The following RNF212B variants were observed in gnomAD, a reference collection of about 807,000 sequenced individuals.
RNF212B encodes the protein ring finger protein 212B.
RNF212B carries 52 observed loss-of-function variants against 55.5 expected under a neutral mutation model. The ratio of observed to expected loss-of-function variants is 0.94; its 90% CI spans 0.75 to 1.18. The LOEUF is 1.18. Ranked by LOEUF, RNF212B falls within the 50% of genes most tolerant of loss-of-function variation. RNF212B has a pLI of 0.00. For synonymous variants in RNF212B, 99 were observed against 121.4 expected, an observed-to-expected ratio of 0.82 and a Z score of 1.21; for missense variants, 289 against 350.4, an observed-to-expected ratio of 0.82 and a Z score of 1.40.
chr14:23,194,779 G>T (rs1878493656), intron 2 of RNF212B, among the ~76,000 whole-genome samples: 1 of 148,912 alleles, frequency 6.7e-6, no homozygotes, highest in Admixed American at 6.7e-5. Flanking sequence ...TATCAAACAG[G>T]CCAGAAAAAT....
chr14:23,213,196 C>T (rs1282928252), intron 2 of RNF212B, among the ~76,000 whole-genome samples: 1 of 151,856 alleles, frequency 6.6e-6, no homozygotes, highest in Non-Finnish European at 1.5e-5. Context: ...GCCTGTAGTC[C>T]CAGCTACTCG....
intron 1 of RNF212B, among the ~76,000 whole-genome samples, chr14:23,186,276 A>T (rs1342981201): frequency 6.6e-6 from 1 of 152,240 alleles, no homozygotes; most frequent in East Asian, 1.9e-4. Flanking sequence ...GAGAGAAAGA[A>T]AAGCCTTGGT....
At chr14:23,220,358 C>G (rs1028479365) in intron 2 of RNF212B, among the ~76,000 whole-genome samples, 2 of 151,938 alleles carry the variant, frequency 1.3e-5, no homozygotes, top group South Asian at 2.1e-4. Flanking sequence ...ATGGCAAAAC[C>G]CCATCTTTAC....
intron 2 of RNF212B, among the ~76,000 whole-genome samples, chr14:23,224,418 A>T (rs1837957470): frequency 1.3e-5 from 2 of 152,212 alleles, no homozygotes; most frequent in Non-Finnish European, 2.9e-5. Context: ...AGACCAATGG[A>T]ACAAACTAGA....
intron 2 of RNF212B, among the ~76,000 whole-genome samples, chr14:23,227,221 T>TA (rs1882113100): frequency 7.5e-6 from 1 of 133,302 alleles, no homozygotes; most frequent in Admixed American, 7.1e-5. Flanking sequence ...TTTATTATTA[T>TA]AATTTTTTTT....
intron 2 of RNF212B, among the ~76,000 whole-genome samples, chr14:23,215,731 A>C (rs1233032829): frequency 1.3e-5 from 2 of 152,190 alleles, no homozygotes; most frequent in African/African-American, 4.8e-5. Context: ...GGCTAATGAA[A>C]ATTTTTCAAA....
At chr14:23,265,401 T>A (rs1390822280) in intron 11 of RNF212B, among the ~76,000 whole-genome samples, 1 of 152,222 alleles carries the variant, frequency 6.6e-6, no homozygotes, top group Non-Finnish European at 1.5e-5. Flanking sequence ...TGGGTCTGCT[T>A]ACTTAATTTC....
In RNF212B at chr14:23,273,339, A is replaced by G. The variant is rs996499332; in HGVS notation, c.*448A>G. ...GTTCTTTTCCTTATTATACTTTTTT[A>G]TTTGTCTATTATTTCCTCTATGCTT... On this transcript the variant is annotated 3_prime_UTR_variant, in exon 15 of 15. Transcript: ENST00000430154. The G allele has an allele frequency of 9.2e-5, 14 of 152,818 alleles. No homozygotes were observed. Among genetic ancestry groups the G allele is most frequent in the African/African-American group, 3.4e-4 (14 of 41,410 alleles). 9.5% of individuals were successfully genotyped at this position (152,818 alleles called of 1,614,324 possible).
chr14:23,273,332 C>CT lies in RNF212B; in HGVS notation c.*447dup, dbSNP rs1333426968. On this transcript the variant is annotated 3_prime_UTR_variant, in exon 15 of 15. Transcript: ENST00000430154. ...TATCTCTGTTCTTTTCCTTATTATA[C>CT]TTTTTTATTTGTCTATTATTTCCTC... 2 of 152,942 alleles carry CT rather than the reference C, an allele frequency of 1.3e-5. No individual in the cohort carries two copies. Among genetic ancestry groups the CT allele is most frequent in the Non-Finnish European group, 2.9e-5 (2 of 68,628 alleles). 9.5% of individuals were successfully genotyped at this position (152,942 alleles called of 1,614,324 possible). A position where few individuals can be genotyped will look rare whatever the true frequency, so the allele number is the denominator to read the frequency against.
chr14:23,227,485 A>G (rs1882138915), intron 2 of RNF212B, among the ~76,000 whole-genome samples: 2 of 152,188 alleles, frequency 1.3e-5, no homozygotes, highest in South Asian at 2.1e-4. Flanking sequence ...GTGGAAATTC[A>G]GTAAGCTATG....
chr14:23,243,129 TA>T lies in RNF212B; in HGVS notation c.101-124del, dbSNP rs1279767835. ...GTCCTTTTATAACACAATGATATTCTAAATTCAGTTAAGAACCCTTTTTTTC... is the reference window on the plus strand; with the variant it reads ...GTCCTTTTATAACACAATGATATTCTAATTCAGTTAAGAACCCTTTTTTTC... On this transcript the variant is annotated intron_variant, in intron 2 of 14. Transcript: ENST00000430154. 3.4e-5 allele frequency: 22 copies of T among 640,348 alleles called. 1 individual carries two copies. The South Asian group carries it at 3.5e-4, about 10-fold the overall frequency. The allele number at this position is 640,348 out of a possible 1,614,324, so 39.7% of individuals were successfully genotyped here.
chr14:23,232,786 G>GT (rs1443978533), intron 2 of RNF212B, among the ~76,000 whole-genome samples: 14 of 124,192 alleles, frequency 1.1e-4, no homozygotes, highest in African/African-American at 5.1e-4. Flanking sequence ...GAGGGAGGTG[G>GT]GGGGGGGGTC....
At chr14:23,199,518 T>C (rs1196686344) in intron 2 of RNF212B, among the ~76,000 whole-genome samples, 4 of 152,144 alleles carry the variant, frequency 2.6e-5, no homozygotes. Context: ...TAATTTCCTT[T>C]CATATTTCCC....
At chr14:23,237,807 G>C (rs1186680529), upstream of RNF212B, among the ~76,000 whole-genome samples, 1 of 152,138 alleles carries the variant, frequency 6.6e-6, no homozygotes, top group African/African-American at 2.4e-5. Flanking sequence ...ACCGCGAGCC[G>C]CTCCTAGCCC....
chr14:23,264,513 C>A, intron 10 of RNF212B, 110 bp from the exon 11 acceptor site: 1 of 830,658 alleles, frequency 1.2e-6, no homozygotes, highest in Non-Finnish European at 1.8e-6. Flanking sequence ...AGTATGCCCA[C>A]TGCAGTAGAA....
In RNF212B at chr14:23,191,757, TA is replaced by T. The variant is rs1170826829; in HGVS notation, c.-78-1562del. On this transcript the variant is annotated intron_variant, in intron 1 of 15. Transcript: ENST00000399910. ...TGTATATGTTTAAATTTTTCTGTAA[TA>T]AAAAACAAACAAAACCTTTGCTTGT... 2.0e-5 allele frequency among the ~76,000 whole-genome samples: 3 copies of T among 152,172 alleles called. No individual in the cohort carries two copies. In the East Asian group the frequency reaches 5.8e-4, roughly 29 times the overall value.
chr14:23,196,245 G>A (rs1878667632), intron 2 of RNF212B, among the ~76,000 whole-genome samples: 1 of 152,088 alleles, frequency 6.6e-6, no homozygotes, highest in Non-Finnish European at 1.5e-5. Flanking sequence ...CCAATCCTCT[G>A]AGTGCCCACT....
intron 2 of RNF212B, among the ~76,000 whole-genome samples, chr14:23,217,490 C>T (rs1453653208): frequency 1.3e-5 from 2 of 152,188 alleles, no homozygotes; most frequent in African/African-American, 2.4e-5. Context: ...TCATGTCTGA[C>T]CCAGCACAGT....
intron 1 of RNF212B, among the ~76,000 whole-genome samples, chr14:23,191,859 C>T (rs17256106): frequency 0.13 from 19,889 of 152,134 alleles, 1,704 homozygotes; most frequent in East Asian, 0.35. Context: ...CATACTTATT[C>T]GATATTCATT....
Sources: allele counts gnomAD v4.1 joint callset (sites outside exome capture counted in the v4.1 genomes callset), GRCh38; gene constraint gnomAD v4.1.1; transcripts MANE v1.5; gene names NCBI Gene and HGNC (gene_info 2026-07-23, HGNC 2026-07-21).